MARK3: variants seen among roughly 807,000 people sequenced by gnomAD.
MARK3 encodes microtubule affinity regulating kinase 3.
In MARK3, 46 loss-of-function variants were observed where a neutral mutation model predicts 90.1. The ratio of observed to expected loss-of-function variants is 0.51; its 90% CI spans 0.40 to 0.65. The LOEUF (loss-of-function observed/expected upper bound fraction) is 0.65, where lower values mean the gene tolerates loss of function less well. Ranked by LOEUF, MARK3 falls within the 30% of genes least tolerant of loss-of-function variation. The probability of loss-of-function intolerance (pLI) is 0.00; values close to 1 mark genes in which losing one functional copy is unlikely to be tolerated. For missense variants in MARK3, 818 were observed against 947.2 expected (o/e 0.86, Z 1.79); for synonymous variants, 321 against 332.6 (o/e 0.97, Z 0.38).
intron 6 of MARK3, among the ~76,000 whole-genome samples, 164 bp from the exon 7 acceptor site, chr14:103,462,241 T>C (rs1263407170): frequency 6.6e-6 from 1 of 152,164 alleles, no homozygotes; most frequent in Admixed American, 6.6e-5. Context: ...CATGAATTTC[T>C]CCAGACTGGA....
intron 3 of MARK3, among the ~76,000 whole-genome samples, chr14:103,434,808 A>G (rs1463767901): frequency 6.6e-6 from 1 of 152,202 alleles, no homozygotes; most frequent in East Asian, 1.9e-4. Context: ...CTGGAAGTCA[A>G]TTCTGTGAAT....
At chr14:103,487,660 G>A (rs574878249) in intron 14 of MARK3, among the ~76,000 whole-genome samples, 1 of 152,300 alleles carries the variant, frequency 6.6e-6, no homozygotes, top group African/African-American at 2.4e-5. Flanking sequence ...CAAGAAAAAA[G>A]TCAACAACTG....
At chr14:103,493,537 C>G (rs1403241684) in intron 15 of MARK3, among the ~76,000 whole-genome samples, 3 of 152,092 alleles carry the variant, frequency 2.0e-5, no homozygotes, top group African/African-American at 7.2e-5. Flanking sequence ...GCAAGAGAGA[C>G]AGTGAGTTCA....
At position 103,457,194 on chromosome 14, in the gene MARK3, A is replaced by G. The variant is rs371500774; in HGVS notation, c.465A>G (p.Ala155=). 273 of 1,609,270 alleles carry G rather than the reference A, an allele frequency of 1.7e-4. 1 individual carries two copies. Among genetic ancestry groups the G allele is most frequent in the South Asian group, 1.4e-3 (130 of 90,940 alleles). ...ATGGCAGGATGAAGGAAAAAGAAGC[A>G]AGATCTAAATTTAGACAGGTATGAA... ...VAHGRMKEKE[A]RSKFRQIVSA... is the part of the protein sequence containing the mutation. The change falls in exon 6 of 18, where the codon GCA becomes GCG. Residue 155 remains alanine (A), a synonymous_variant. Coordinates refer to ENST00000429436, the MANE Select transcript of MARK3 (RefSeq NM_001128918.3).
Position 103,448,677 on chromosome 14 carries a change from C to G in MARK3, c.298-242C>G, listed in dbSNP as rs561840757. On this transcript the variant is annotated intron_variant, in intron 3 of 17. Coordinates refer to ENST00000429436, the MANE Select transcript of MARK3 (RefSeq NM_001128918.3). ...AAATTCAGAGTATGTTACCATCCCC[C>G]TTTGAGACCTCTGCTGTTTTTAATA... Among the ~76,000 whole-genome samples the G allele has an allele frequency of 2.0e-5, 3 of 152,272 alleles. No homozygotes were observed. In the East Asian group the frequency reaches 5.8e-4, roughly 29 times the overall value.
At position 103,385,910 on chromosome 14, in the gene MARK3, C is replaced by T. The variant is rs1274436508; in HGVS notation, c.-120C>T. ...TAGACGGCCGTAGGGGGAAGGGAGC[C>T]GCCCTCCCCACGGCGCCTTTTCGGA... On this transcript the variant is annotated 5_prime_UTR_variant, in exon 1 of 18. Coordinates refer to ENST00000429436, the MANE Select transcript of MARK3 (RefSeq NM_001128918.3). 3.8e-6 allele frequency: 3 copies of T among 782,122 alleles called. No homozygotes were observed. The highest frequency in any genetic ancestry group is 6.8e-6 in the Non-Finnish European group (3 of 443,670). 48.4% of individuals were successfully genotyped at this position (782,122 alleles called of 1,614,324 possible).
intron 2 of MARK3, among the ~76,000 whole-genome samples, chr14:103,406,677 A>G (rs1001854808): frequency 9.6e-5 from 14 of 145,664 alleles, no homozygotes; most frequent in African/African-American, 3.4e-4. Context: ...ATCTCGGCTC[A>G]CTGCAAGCTC....
intron 5 of MARK3, among the ~76,000 whole-genome samples, chr14:103,453,392 C>G (rs868527125): frequency 6.6e-6 from 1 of 152,124 alleles, no homozygotes; most frequent in Non-Finnish European, 1.5e-5. Context: ...TAAACTCTAT[C>G]GTAATTTTAT....
intron 13 of MARK3, among the ~76,000 whole-genome samples, chr14:103,478,292 C>T (rs2093752834): frequency 8.2e-6 from 1 of 122,680 alleles, no homozygotes; most frequent in African/African-American, 3.0e-5. Flanking sequence ...GAGGCTCCAT[C>T]TCAAAAAAAA....
intron 1 of MARK3, among the ~76,000 whole-genome samples, chr14:103,392,374 C>T (rs1407318373): frequency 2.0e-5 from 3 of 152,146 alleles, no homozygotes; most frequent in Non-Finnish European, 2.9e-5. Context: ...TTAGAATCAC[C>T]TGAAGGGCTT....
intron 17 of MARK3, among the ~76,000 whole-genome samples, chr14:103,501,013 T>G (rs946438988): frequency 2.0e-5 from 3 of 152,168 alleles, no homozygotes; most frequent in African/African-American, 7.2e-5. Context: ...TTGTTCTAGG[T>G]CTCTTCCACT....
rs549048382 is a variant in MARK3 at position 103,426,338 on chromosome 14, A to G, written c.244-2049A>G. On this transcript the variant is annotated intron_variant, in intron 2 of 17. Transcript: ENST00000429436. ...ATTTTGGTAGATATTCGTTGATACA[A>G]CCCACATTTGGGGGAATGAGTAATC... 4.0e-5 allele frequency among the ~76,000 whole-genome samples: 6 copies of G among 151,586 alleles called. No individual in the cohort carries two copies. In the South Asian group the frequency reaches 6.2e-4, roughly 16 times the overall value.
At chr14:103,468,008 C>T (rs2093548215) in intron 11 of MARK3, 25 bp from the exon 12 acceptor site, 3 of 1,609,466 alleles carry the variant, frequency 1.9e-6, no homozygotes, top group Non-Finnish European at 2.5e-6. Context: ...TTGTGGTTTG[C>T]TCTGTTTTTC....
At chr14:103,491,510 CTGTCCTA>C in intron 14 of MARK3, 1 of 384,474 alleles carries the variant, frequency 2.6e-6, no homozygotes, top group Non-Finnish European at 4.7e-6. Flanking sequence ...TAGCTGTTCT[CTGTCCTA>C]GAATTTCCCT....
At chr14:103,452,557 C>G (rs28361338) in intron 5 of MARK3, among the ~76,000 whole-genome samples, 1 of 143,368 alleles carries the variant, frequency 7.0e-6, no homozygotes, top group Non-Finnish European at 1.5e-5. Context: ...CTGCAAGCTC[C>G]GCCTCCCGGG....
At chr14:103,448,471 G>A (rs1456934065) in intron 3 of MARK3, among the ~76,000 whole-genome samples, 1 of 152,182 alleles carries the variant, frequency 6.6e-6, no homozygotes, top group Non-Finnish European at 1.5e-5. Flanking sequence ...TTTGTTCATA[G>A]TCTTCTAATA....
chr14:103,430,977 A>C (rs1192733994), intron 3 of MARK3, among the ~76,000 whole-genome samples: 1 of 152,110 alleles, frequency 6.6e-6, no homozygotes, highest in Non-Finnish European at 1.5e-5. Flanking sequence ...TGGGACTACA[A>C]ATGCACACCA....
chr14:103,476,627 G>A (rs2093719406), intron 13 of MARK3, among the ~76,000 whole-genome samples: 1 of 152,108 alleles, frequency 6.6e-6, no homozygotes, highest in Admixed American at 6.5e-5. Context: ...ACAATCTTAA[G>A]ATTATTCTGT....
chr14:103,405,213 C>A lies in MARK3; in HGVS notation c.189C>A (p.Gly63=). Reference sequence around the variant, plus strand: ...ACTACAGACTGTTGAAAACAATCGGCAAGGGGAATTTTGCAAAAGTAAAAT... The same window carrying A: ...ACTACAGACTGTTGAAAACAATCGGAAAGGGGAATTTTGCAAAAGTAAAAT... ...IGNYRLLKTI[G]KGNFAKVKLA... is the part of the protein sequence containing the mutation. The change falls in exon 2 of 18, where the codon GGC becomes GGA. Residue 63 remains glycine, a synonymous_variant. Coordinates refer to ENST00000429436, the MANE Select transcript of MARK3 (RefSeq NM_001128918.3). 6.3e-7 allele frequency: 1 copy of A among 1,581,214 alleles called. No homozygotes were observed. Among genetic ancestry groups the A allele is most frequent in the Non-Finnish European group, 8.6e-7 (1 of 1,166,230 alleles).
Sources: allele counts gnomAD v4.1 joint callset (sites outside exome capture counted in the v4.1 genomes callset), GRCh38; gene constraint gnomAD v4.1.1; transcripts MANE v1.5; gene names NCBI Gene and HGNC (gene_info 2026-07-23, HGNC 2026-07-21).